Variants in AASS observed in about 807,000 individuals in gnomAD.
AASS encodes the protein alpha-aminoadipic semialdehyde synthase, mitochondrial.
A neutral mutation model predicts 105.4 loss-of-function variants in AASS; 86 were observed. The observed-to-expected ratio is 0.82, with a 90% CI of 0.69 to 0.98. AASS has a LOEUF of 0.98. Among genes scored for constraint, AASS ranks in the 50% least tolerant of loss-of-function variants. The pLI, the probability that AASS is intolerant of heterozygous loss-of-function variation, is 0.00. For synonymous variants in AASS, 381 were observed against 394.8 expected, an observed-to-expected ratio of 0.96 and a Z score of 0.41; for missense variants, 1,048 against 1,143.2, an observed-to-expected ratio of 0.92 and a Z score of 1.20.
intron 2 of AASS, among the ~76,000 whole-genome samples, chr7:122,129,911 AAAGAT>A (rs1386433980): frequency 2.0e-5 from 3 of 152,144 alleles, no homozygotes; most frequent in Non-Finnish European, 4.4e-5. Flanking sequence ...TGTATTTTTA[AAAGAT>A]AAGACATAAT....
At chr7:122,104,329 C>T (rs1794567022) in intron 11 of AASS, among the ~76,000 whole-genome samples, 1 of 152,098 alleles carries the variant, frequency 6.6e-6, no homozygotes, top group Non-Finnish European at 1.5e-5. Context: ...GGCACAGTGG[C>T]TCACACCTGT....
chr7:122,126,226 C>T lies in AASS; in HGVS notation c.472+149G>A, dbSNP rs963400348. The T allele has an allele frequency of 3.0e-5, 23 of 765,434 alleles. No homozygotes were observed. In the African/African-American group the frequency reaches 4.0e-4, roughly 13 times the overall value. The allele number at this position is 765,434 out of a possible 1,614,324, so 47.4% of individuals were successfully genotyped here. On this transcript the variant is annotated intron_variant, in intron 4 of 23. Coordinates refer to ENST00000417368, the MANE Select transcript of AASS (RefSeq NM_005763.4). ...CCATTTATCTTCATACTTTATTCCA[C>T]TTGTATTCATCATCCTTCAGCATAC...
At chr7:122,086,431 T>G (rs1793628710) in intron 18 of AASS, among the ~76,000 whole-genome samples, 1 of 151,924 alleles carries the variant, frequency 6.6e-6, no homozygotes, top group Non-Finnish European at 1.5e-5. Context: ...TATTTTCAAT[T>G]TTTTTCCTTC....
rs1242671897 is a variant in AASS at position 122,076,141 on chromosome 7, T to A, written c.*348A>T. On this transcript the variant is annotated 3_prime_UTR_variant, in exon 24 of 24. Coordinates refer to ENST00000417368, the MANE Select transcript of AASS (RefSeq NM_005763.4). ...GTGAGCCGAGATCGCGCCACTGCAC[T>A]CCAGCCTGGGTGACAGAGCGAGACT... The A allele has an allele frequency of 3.8e-6, 1 of 264,720 alleles. No individual in the cohort carries two copies. Among genetic ancestry groups the A allele is most frequent in the African/African-American group, 2.3e-5 (1 of 43,208 alleles). The allele number at this position is 264,720 out of a possible 1,614,324, so 16.4% of individuals were successfully genotyped here.
chr7:122,086,541 T>A (rs10230768), intron 18 of AASS, among the ~76,000 whole-genome samples: 4,384 of 151,334 alleles, frequency 0.029, 173 homozygotes, highest in African/African-American at 0.092. Flanking sequence ...TTTTAATTTT[T>A]AAAAAATTTA....
At position 122,124,983 on chromosome 7, in the gene AASS, C is replaced by T. The variant is rs180897467; in HGVS notation, c.472+1392G>A. Among the ~76,000 whole-genome samples the T allele has an allele frequency of 3.3e-3, 499 of 152,224 alleles. 1 individual carries two copies. The highest frequency in any genetic ancestry group is 8.5e-3 in the South Asian group (41 of 4,822). ...TGTTGCCTAAACTGGAGTGCAGTGG[C>T]GTGATCTCGGCTCACTGCAAACTCT... On this transcript the variant is annotated intron_variant, in intron 4 of 23. Transcript: ENST00000417368.
intron 4 of AASS, among the ~76,000 whole-genome samples, chr7:122,120,387 TA>T (rs1795387761): frequency 6.6e-6 from 1 of 152,162 alleles, no homozygotes; most frequent in South Asian, 2.1e-4. Flanking sequence ...ATCCTTTTAA[TA>T]TTTAAAAGAT....
chr7:122,100,587 T>A (rs1334992149), intron 13 of AASS, among the ~76,000 whole-genome samples: 5 of 151,826 alleles, frequency 3.3e-5, no homozygotes, highest in Admixed American at 1.3e-4. Context: ...ATAAAACAGT[T>A]GTGTTATTTT....
intron 3 of AASS, among the ~76,000 whole-genome samples, chr7:122,128,741 T>TC (rs1422487773): frequency 6.6e-6 from 1 of 152,174 alleles, no homozygotes; most frequent in Non-Finnish European, 1.5e-5. Context: ...TCATAGTATT[T>TC]CTATCTCAAA....
chr7:122,098,703 A>G (rs994549150), intron 14 of AASS, 42 bp downstream of exon 14: 1 of 1,599,834 alleles, frequency 6.3e-7, no homozygotes, highest in East Asian at 2.2e-5. Context: ...TCAACACGCT[A>G]TAAAATACAT....
At position 122,093,103 on chromosome 7, in the gene AASS, CTTTG is replaced by C. The variant is rs760800659; in HGVS notation, c.1707_1710del (p.Asn569LysfsTer14). The C allele has an allele frequency of 3.1e-6, 5 of 1,613,970 alleles. No individual in the cohort carries two copies. Among genetic ancestry groups the C allele is most frequent in the East Asian group, 2.2e-5 (1 of 44,864 alleles). ...ATGTAGCTTGCAGTGACCATGTTAA[CTTTG>C]TTTGTGATGCAGGCCTTGGCCACAA... On this transcript the variant is annotated frameshift_variant, in exon 16 of 24. Transcript: ENST00000417368. LOFTEE classifies it high-confidence loss of function.
Position 122,113,721 on chromosome 7 carries a change from C to G in AASS, c.1044-1G>C. The G allele has an allele frequency of 6.2e-7, 1 of 1,612,234 alleles. No individual in the cohort carries two copies. The highest frequency in any genetic ancestry group is 1.1e-5 in the South Asian group (1 of 91,070). Reference sequence around the variant, plus strand: ...TGAAATGTCACATATTGCCACGAGTCTGAAAATAACATCAATACTTAGATG... The same window carrying G: ...TGAAATGTCACATATTGCCACGAGTGTGAAAATAACATCAATACTTAGATG... On this transcript the variant is annotated splice_acceptor_variant, in intron 9 of 23. Coordinates refer to ENST00000417368, the MANE Select transcript of AASS (RefSeq NM_005763.4). LOFTEE classifies it high-confidence loss of function.
chr7:122,132,189 A>G, intron 2 of AASS, among the ~76,000 whole-genome samples: 1 of 152,194 alleles, frequency 6.6e-6, no homozygotes, highest in Non-Finnish European at 1.5e-5. Flanking sequence ...CAATGATAAG[A>G]AAGTTTTTTA....
chr7:122,114,933 T>C lies in AASS; in HGVS notation c.1043+141A>G. The stretch of plus-strand genomic sequence containing the variant: ...AAAAAAGGAGAGATGGTTAACAGTG[T>C]TGAGTACTGCCAAGAGGTCAAGAAA... On this transcript the variant is annotated intron_variant, in intron 9 of 23. Coordinates refer to ENST00000417368, the MANE Select transcript of AASS (RefSeq NM_005763.4). The C allele has an allele frequency of 3.7e-6, 4 of 1,081,016 alleles. No homozygotes were observed. The Admixed American group carries it at 7.1e-5, about 19-fold the overall frequency. 67.0% of individuals were successfully genotyped at this position (1,081,016 alleles called of 1,614,324 possible).
intron 2 of AASS, among the ~76,000 whole-genome samples, chr7:122,130,864 C>A (rs1795876721): frequency 1.3e-5 from 2 of 151,694 alleles, no homozygotes; most frequent in Admixed American, 1.3e-4. Context: ...TATCACACAG[C>A]CATGAAATGA....
intron 11 of AASS, among the ~76,000 whole-genome samples, chr7:122,103,356 C>T (rs1794520478): frequency 6.6e-6 from 1 of 152,004 alleles, no homozygotes; most frequent in Non-Finnish European, 1.5e-5. Flanking sequence ...ATACTATACA[C>T]AGCAAAGCTG....
At chr7:122,101,333 A>G in intron 13 of AASS, 38 bp downstream of exon 13, 5 of 1,490,130 alleles carry the variant, frequency 3.4e-6, no homozygotes, top group Non-Finnish European at 4.7e-6. Flanking sequence ...CAAGATAAGA[A>G]TAAATGTATA....
At chr7:122,091,937 T>A in intron 17 of AASS, 94 bp from the exon 18 acceptor site, 1 of 908,678 alleles carries the variant, frequency 1.1e-6, no homozygotes, top group Non-Finnish European at 1.7e-6. Flanking sequence ...TGGAGTAAAC[T>A]TGCTACAGTT....
Position 122,115,181 on chromosome 7 carries a change from C to T in AASS, c.936G>A (p.Trp312Ter). ...YTTCLINGIY[W>*]EQNTPRLLTR... The stretch of plus-strand genomic sequence containing the variant: ...TTAGGAGGCGAGGAGTGTTTTGTTC[C>T]CAGTAGATTCCATTAATTAAGCAAG... Residue 312 changes from tryptophan (W) to a stop codon, truncating the protein, a stop_gained, in exon 9 of 24, where the codon TGG (tryptophan) becomes TGA (stop). Coordinates refer to ENST00000417368, the MANE Select transcript of AASS (RefSeq NM_005763.4). LOFTEE classifies it high-confidence loss of function. The T allele has an allele frequency of 6.2e-7, 1 of 1,614,072 alleles. No homozygotes were observed. The highest frequency in any genetic ancestry group is 8.5e-7 in the Non-Finnish European group (1 of 1,180,008).
Sources: gnomAD v4.1 joint callset for allele counts (sites outside exome capture counted in the v4.1 genomes callset) on GRCh38, gnomAD v4.1.1 for gene constraint, MANE v1.5 for transcripts, NCBI Gene and HGNC (gene_info 2026-07-23, HGNC 2026-07-21) for gene names.